The following FSTL4 variants were observed in gnomAD, a reference collection of about 807,000 sequenced individuals.
FSTL4 encodes the protein follistatin like 4.
In FSTL4, 28 loss-of-function variants were observed where a neutral mutation model predicts 78.2. The observed-to-expected ratio is 0.36, with a 90% CI of 0.27 to 0.49. FSTL4 has a LOEUF of 0.49. FSTL4 is among the 20% of genes least tolerant of loss of function. FSTL4 has a pLI of 0.98. For missense variants in FSTL4, 922 were observed against 1,084.9 expected, an observed-to-expected ratio of 0.85 and a Z score of 2.11; for synonymous variants, 422 against 440.5, an observed-to-expected ratio of 0.96 and a Z score of 0.53.
chr5:133,752,238 C>T, the FSTL4 span, among the ~76,000 whole-genome samples: 1 of 152,182 alleles, frequency 6.6e-6, no homozygotes, highest in Admixed American at 6.5e-5. Flanking sequence ...AGTTATCTAT[C>T]TCCAGCTTCA....
At chr5:133,795,166 G>A in the FSTL4 span, among the ~76,000 whole-genome samples, 1 of 151,558 alleles carries the variant, frequency 6.6e-6, no homozygotes, top group East Asian at 1.9e-4. Flanking sequence ...CCTGGCCCCA[G>A]GTGAGCTTTA....
chr5:133,199,500 G>A lies in FSTL4; in HGVS notation c.2124C>T (p.Ser708=), dbSNP rs1750251862. The A allele has an allele frequency of 6.2e-7, 1 of 1,614,226 alleles. No homozygotes were observed. Among genetic ancestry groups the A allele is most frequent in the Non-Finnish European group, 8.5e-7 (1 of 1,180,034 alleles). The change falls in exon 16 of 16, where the codon AGC becomes AGT. Residue 708 remains serine, a synonymous_variant. Coordinates refer to ENST00000265342, the MANE Select transcript of FSTL4 (RefSeq NM_015082.2). The surrounding 1 kb of genome is among the most constrained non-coding windows in gnomAD (Gnocchi z 4.4). ...TGATCTCCTGCACGTGCAGCCAGGG[G>A]CTGTCAGCTGCAGCACTGACTATGA... ...GRFIVSAAAD[S]PWLHVQEITV...
intron 4 of FSTL4, among the ~76,000 whole-genome samples, chr5:133,344,034 T>C (rs1487374477): frequency 6.6e-6 from 1 of 152,228 alleles, no homozygotes; most frequent in Non-Finnish European, 1.5e-5. Flanking sequence ...AATTTAAAAT[T>C]GCAATCTTTG....
chr5:133,371,145 T>C (rs1755289583), intron 4 of FSTL4, among the ~76,000 whole-genome samples: 1 of 152,070 alleles, frequency 6.6e-6, no homozygotes, highest in South Asian at 2.1e-4. Flanking sequence ...GGGCCAACGG[T>C]CCCGAGGACT....
At chr5:133,441,379 G>A (rs1757156651) in intron 3 of FSTL4, among the ~76,000 whole-genome samples, 1 of 152,198 alleles carries the variant, frequency 6.6e-6, no homozygotes, top group African/African-American at 2.4e-5. Context: ...ACCCCGAGGG[G>A]AGACAGAGAG....
chr5:133,476,699 C>T (rs1757931446), intron 3 of FSTL4, among the ~76,000 whole-genome samples: 1 of 152,238 alleles, frequency 6.6e-6, no homozygotes, highest in African/African-American at 2.4e-5. Flanking sequence ...GAGGAGAAAT[C>T]TCTGTCCATG....
intron 7 of FSTL4, chr5:133,247,106 A>G (rs1418954626): frequency 3.3e-5 from 5 of 152,250 alleles, no homozygotes; most frequent in Non-Finnish European, 7.3e-5. Flanking sequence ...GTTTGTACAC[A>G]TCGGGCTTGG....
rs150954831 is a variant in FSTL4, at chr5:133,292,894, G to C, written c.727+19760C>G. Among the ~76,000 whole-genome samples the C allele has an allele frequency of 4.7e-3, 713 of 152,308 alleles. 4 individuals carry two copies. Among genetic ancestry groups the C allele is most frequent in the African/African-American group, 0.017 (692 of 41,564 alleles). ...ATAATTTAGAAGCTCCTGATTTAAG[G>C]GGCAGCCTTCGTGGTCTAGCTTCAC... On this transcript the variant is annotated intron_variant, in intron 6 of 15. Transcript: ENST00000265342.
the FSTL4 span, among the ~76,000 whole-genome samples, chr5:133,729,238 CACACACACA>C: frequency 6.6e-6 from 1 of 150,788 alleles, no homozygotes; most frequent in African/African-American, 2.4e-5. Context: ...CACACACACA[CACACACACA>C]CACACACACA....
At chr5:133,557,286 C>T (rs1349127386) in intron 3 of FSTL4, among the ~76,000 whole-genome samples, 2 of 152,218 alleles carry the variant, frequency 1.3e-5, no homozygotes, top group Non-Finnish European at 1.5e-5. Flanking sequence ...CCCTGAAACG[C>T]TAGGTGAATG....
At chr5:133,386,407 T>C (rs1465808064) in intron 4 of FSTL4, among the ~76,000 whole-genome samples, 2 of 152,194 alleles carry the variant, frequency 1.3e-5, no homozygotes, top group African/African-American at 4.8e-5. Flanking sequence ...ACAGGCACGC[T>C]CAACTGTGCA....
At chr5:133,471,898 G>T (rs1757833455) in intron 3 of FSTL4, among the ~76,000 whole-genome samples, 1 of 152,160 alleles carries the variant, frequency 6.6e-6, no homozygotes, top group Non-Finnish European at 1.5e-5. Flanking sequence ...TCTAGAGGGG[G>T]CCATTCCACT....
the FSTL4 span, among the ~76,000 whole-genome samples, chr5:133,816,043 G>A: frequency 9.8e-5 from 15 of 152,314 alleles, no homozygotes; most frequent in Admixed American, 3.3e-4. Context: ...AGCGGGCTCT[G>A]GACAGCCAGG....
chr5:133,755,939 G>T, the FSTL4 span, among the ~76,000 whole-genome samples: 1 of 152,212 alleles, frequency 6.6e-6, no homozygotes, highest in African/African-American at 2.4e-5. Flanking sequence ...ATTACTGAAT[G>T]CCTACTATGT....
At chr5:133,822,809 A>G in the FSTL4 span, among the ~76,000 whole-genome samples, 5 of 152,216 alleles carry the variant, frequency 3.3e-5, no homozygotes, top group Non-Finnish European at 7.3e-5. Context: ...AAACCAAAAA[A>G]CAAAGAGTAG....
intron 3 of FSTL4, among the ~76,000 whole-genome samples, chr5:133,446,208 G>A (rs1264003130): frequency 6.6e-6 from 1 of 152,202 alleles, no homozygotes; most frequent in African/African-American, 2.4e-5. Flanking sequence ...GGGAGGCCGA[G>A]GCAGGCAGAT....
intron 3 of FSTL4, among the ~76,000 whole-genome samples, chr5:133,530,810 G>A (rs1759235387): frequency 6.6e-6 from 1 of 152,206 alleles, no homozygotes; most frequent in African/African-American, 2.4e-5. Flanking sequence ...GCTATACCCA[G>A]GCCCCACACC....
intron 3 of FSTL4, among the ~76,000 whole-genome samples, chr5:133,466,773 G>A (rs1479154078): frequency 6.6e-6 from 1 of 152,230 alleles, no homozygotes; most frequent in Non-Finnish European, 1.5e-5. Context: ...ATGCAAGACA[G>A]TGTGAAATTG....
intron 3 of FSTL4, among the ~76,000 whole-genome samples, chr5:133,452,485 T>C (rs1216777946): frequency 3.3e-5 from 5 of 152,238 alleles, no homozygotes; most frequent in African/African-American, 1.2e-4. Context: ...CTCATTTAAA[T>C]GGAAATTCCT....
Sources: allele counts gnomAD v4.1 joint callset (sites outside exome capture counted in the v4.1 genomes callset), GRCh38; gene constraint gnomAD v4.1.1; non-coding constraint Gnocchi (gnomAD v3.1); transcripts MANE v1.5; gene names NCBI Gene and HGNC (gene_info 2026-07-23, HGNC 2026-07-21).